FBXO31: variants seen among roughly 807,000 people sequenced by gnomAD.
FBXO31 encodes F-box protein 31.
In FBXO31, 24 loss-of-function variants were observed where a neutral mutation model predicts 54.4. That is an observed-to-expected ratio of 0.44 (90% CI 0.32 to 0.62). The LOEUF (loss-of-function observed/expected upper bound fraction) is 0.62, where lower values mean the gene tolerates loss of function less well. Ranked by LOEUF, FBXO31 falls within the 20% of genes least tolerant of loss-of-function variation. The probability of loss-of-function intolerance (pLI) is 0.05; values close to 1 mark genes in which losing one functional copy is unlikely to be tolerated. For synonymous variants in FBXO31, 388 were observed against 335.6 expected (o/e 1.16, Z -1.71); for missense variants, 665 against 787.1 (o/e 0.84, Z 1.86).
At chr16:87,353,983 C>T (rs1407077940) in intron 2 of FBXO31, among the ~76,000 whole-genome samples, 1 of 152,272 alleles carries the variant, frequency 6.6e-6, no homozygotes, top group Non-Finnish European at 1.5e-5. Flanking sequence ...GCGGCCCCCG[C>T]TGTGCTCCCA....
rs1200757805 is a variant in FBXO31 at position 87,346,474 on chromosome 16, A to T, written c.489+700T>A. On this transcript the variant is annotated intron_variant, in intron 3 of 8. Transcript: ENST00000311635. The surrounding 1 kb of genome is among the most constrained non-coding windows in gnomAD (Gnocchi z 4.2). ...TAATAAAAAAGAAAGCCAGACTTCC[A>T]TCTCCAGCCATGATCAAGTACCCAG... Among the ~76,000 whole-genome samples, 1 of 152,258 alleles carries T rather than the reference A, an allele frequency of 6.6e-6. No individual in the cohort carries two copies. The highest frequency in any genetic ancestry group is 1.5e-5 in the Non-Finnish European group (1 of 68,048).
In FBXO31 at chr16:87,346,714, G is replaced by C. The variant is rs148217972; in HGVS notation, c.489+460C>G. Among the ~76,000 whole-genome samples the C allele has an allele frequency of 6.6e-6, 1 of 152,340 alleles. No homozygotes were observed. The highest frequency in any genetic ancestry group is 1.5e-5 in the Non-Finnish European group (1 of 68,042). On this transcript the variant is annotated intron_variant, in intron 3 of 8. Coordinates refer to ENST00000311635, the MANE Select transcript of FBXO31 (RefSeq NM_024735.5). The surrounding 1 kb of genome is among the most constrained non-coding windows in gnomAD (Gnocchi z 4.2). ...AAAGTCAGAGCAGGGCTTTCCGTTC[G>C]AGAGGCTCCAGTAGGAGGGCACAGG...
upstream of FBXO31, among the ~76,000 whole-genome samples, chr16:87,388,084 C>G (rs1907387474): frequency 6.6e-6 from 1 of 152,304 alleles, no homozygotes; most frequent in Non-Finnish European, 1.5e-5. Context: ...AACAAACAGG[C>G]AAACAAAAAC....
chr16:87,354,529 G>A (rs762382153), intron 2 of FBXO31, among the ~76,000 whole-genome samples: 13 of 151,590 alleles, frequency 8.6e-5, no homozygotes, highest in Non-Finnish European at 1.5e-4. Context: ...AGAAGCAGAT[G>A]TATCAGATCT....
At chr16:87,370,299 G>C (rs568197339) in intron 1 of FBXO31, among the ~76,000 whole-genome samples, 1 of 152,176 alleles carries the variant, frequency 6.6e-6, no homozygotes, top group Admixed American at 6.5e-5. Flanking sequence ...GGGATGGGAG[G>C]GACAGGGACA....
In FBXO31 at chr16:87,366,376, T is replaced by C. The variant is rs557184465; in HGVS notation, c.341-6010A>G. Among the ~76,000 whole-genome samples, 3 of 152,338 alleles carry C rather than the reference T, an allele frequency of 2.0e-5. No homozygotes were observed. In the South Asian group the frequency reaches 6.2e-4, roughly 32 times the overall value. ...ATTTAGTTTATTTAGGAAAAAATAA[T>C]GCTCCTTATCATAAAACACCTCCTA... On this transcript the variant is annotated intron_variant, in intron 1 of 8. Coordinates refer to ENST00000311635, the MANE Select transcript of FBXO31 (RefSeq NM_024735.5).
chr16:87,378,151 C>A, intron 1 of FBXO31, among the ~76,000 whole-genome samples: 1 of 149,824 alleles, frequency 6.7e-6, no homozygotes, highest in South Asian at 2.1e-4. Flanking sequence ...AAGAGCAAAA[C>A]TCCATCTCAA....
intron 5 of FBXO31, among the ~76,000 whole-genome samples, chr16:87,341,436 G>A (rs969296157): frequency 1.1e-4 from 17 of 151,980 alleles, no homozygotes; most frequent in African/African-American, 4.1e-4. Flanking sequence ...TGGGTGGATC[G>A]CCTGAGGTCA....
intron 5 of FBXO31, among the ~76,000 whole-genome samples, chr16:87,342,192 A>G (rs953348686): frequency 3.9e-5 from 6 of 152,090 alleles, no homozygotes; most frequent in African/African-American, 9.7e-5. Context: ...CAGCCTCCTG[A>G]GTAGCTGGCA....
upstream of FBXO31, among the ~76,000 whole-genome samples, chr16:87,390,532 C>T (rs891809314): frequency 6.6e-6 from 1 of 151,654 alleles, no homozygotes; most frequent in East Asian, 2.0e-4. Context: ...CCTCTGCCTT[C>T]CGGTTTCAAG....
chr16:87,343,483 C>A, intron 4 of FBXO31, 115 bp downstream of exon 4: 1 of 1,305,170 alleles, frequency 7.7e-7, no homozygotes, highest in Non-Finnish European at 1.0e-6. Context: ...CTCCCTCCCA[C>A]CCGCCGATCT....
At chr16:87,350,032 C>A (rs4843598) in intron 2 of FBXO31, among the ~76,000 whole-genome samples, 136,734 of 152,238 alleles carry the variant, frequency 0.9, 61,655 homozygotes, top group East Asian at 1. Flanking sequence ...ATGCACAGTC[C>A]ACATGTTGGC....
intron 1 of FBXO31, among the ~76,000 whole-genome samples, chr16:87,364,421 G>A (rs1177734410): frequency 6.6e-6 from 1 of 152,210 alleles, no homozygotes; most frequent in Non-Finnish European, 1.5e-5. Context: ...GAGGCACAGG[G>A]GGTGCACCAG....
rs373771557 is a variant in FBXO31, at chr16:87,335,248, G to C, written c.996+56C>G. ...TCTGCCCAAGTTCCCTGACTCCACAGCCCACTTGGGCCAGGTGCCCCCAGA... is the reference window on the plus strand; with the variant it reads ...TCTGCCCAAGTTCCCTGACTCCACACCCCACTTGGGCCAGGTGCCCCCAGA... On this transcript the variant is annotated intron_variant, in intron 7 of 8. Transcript: ENST00000311635. The surrounding 1 kb of genome is among the most constrained non-coding windows in gnomAD (Gnocchi z 5.7). The C allele has an allele frequency of 1.7e-4, 278 of 1,605,288 alleles. No individual in the cohort carries two copies. In the East Asian group the frequency reaches 4.6e-3, roughly 27 times the overall value.
chr16:87,374,040 G>C (rs1281340278), intron 1 of FBXO31, among the ~76,000 whole-genome samples: 3 of 152,048 alleles, frequency 2.0e-5, no homozygotes, highest in Admixed American at 6.6e-5. Context: ...AGGACTTCCA[G>C]ACCAGCCCGG....
chr16:87,334,757 A>G lies in FBXO31; in HGVS notation c.997-471T>C, dbSNP rs557207201. Among the ~76,000 whole-genome samples, 3 of 152,342 alleles carry G rather than the reference A, an allele frequency of 2.0e-5. No individual in the cohort carries two copies. In the South Asian group the frequency reaches 6.2e-4, roughly 32 times the overall value. On this transcript the variant is annotated intron_variant, in intron 7 of 8. Coordinates refer to ENST00000311635, the MANE Select transcript of FBXO31 (RefSeq NM_024735.5). ...TTCGCCCCTTCAGGCGCTGTCTGCC[A>G]GGATCCCCAATAACCATTCAGGGCA...
At chr16:87,348,970 G>C (rs182685197) in intron 2 of FBXO31, among the ~76,000 whole-genome samples, 43 of 152,358 alleles carry the variant, frequency 2.8e-4, no homozygotes, top group African/African-American at 9.4e-4. Flanking sequence ...AGCCTCGGCA[G>C]CAGGAGGCAC....
intron 1 of FBXO31, among the ~76,000 whole-genome samples, chr16:87,376,519 C>T (rs1906830529): frequency 6.6e-6 from 1 of 152,172 alleles, no homozygotes; most frequent in Non-Finnish European, 1.5e-5. Context: ...ATATGATCTG[C>T]CCAACTTGGC....
intron 1 of FBXO31, among the ~76,000 whole-genome samples, chr16:87,364,290 G>A (rs910294111): frequency 2.0e-5 from 3 of 152,284 alleles, no homozygotes; most frequent in South Asian, 2.1e-4. Flanking sequence ...GACACAGCAC[G>A]AAGCTCAAAA....
Sources: gnomAD v4.1 joint callset for allele counts (sites outside exome capture counted in the v4.1 genomes callset) on GRCh38, gnomAD v4.1.1 for gene constraint, Gnocchi (gnomAD v3.1) non-coding constraint, MANE v1.5 for transcripts, NCBI Gene and HGNC (gene_info 2026-07-23, HGNC 2026-07-21) for gene names.